Variants in GBF1 observed in about 807,000 individuals in gnomAD.
GBF1 encodes the protein golgi brefeldin A resistant guanine nucleotide exchange factor 1.
In GBF1, 114 loss-of-function variants were observed where a neutral mutation model predicts 210.5. That is an observed-to-expected ratio of 0.54 (90% CI 0.47 to 0.63). GBF1 has a LOEUF of 0.63. Among genes scored for constraint, GBF1 ranks in the 30% least tolerant of loss-of-function variants. GBF1 has a pLI of 0.00. For missense variants in GBF1, 1,851 were observed against 2,357.7 expected, an observed-to-expected ratio of 0.79 and a Z score of 4.45; for synonymous variants, 850 against 889.2, an observed-to-expected ratio of 0.96 and a Z score of 0.78.
chr10:102,244,238 GGTTA>G (rs1438972656), upstream of GBF1, among the ~76,000 whole-genome samples: 1 of 152,196 alleles, frequency 6.6e-6, no homozygotes, highest in Non-Finnish European at 1.5e-5. Context: ...TTTCCTATGT[GGTTA>G]GTTATAGAGC....
At chr10:102,233,474 T>C in the GBF1 span, among the ~76,000 whole-genome samples, 1 of 152,014 alleles carries the variant, frequency 6.6e-6, no homozygotes, top group Non-Finnish European at 1.5e-5. Flanking sequence ...TGGCTAATTT[T>C]TGTATTTTTA....
intron 3 of GBF1, among the ~76,000 whole-genome samples, chr10:102,308,067 G>A (rs1209478952): frequency 4.6e-5 from 7 of 152,066 alleles, no homozygotes; most frequent in Admixed American, 4.6e-4. Flanking sequence ...AGGGTAAATT[G>A]GAAAGCTGGC....
chr10:102,245,225 C>T (rs2070702797), upstream of GBF1, among the ~76,000 whole-genome samples: 2 of 152,146 alleles, frequency 1.3e-5, no homozygotes, highest in Non-Finnish European at 2.9e-5. Flanking sequence ...GCCCAGCAGC[C>T]ACTGCCAAAC....
intron 29 of GBF1, among the ~76,000 whole-genome samples, chr10:102,372,658 A>G (rs2060276410): frequency 6.6e-6 from 1 of 152,224 alleles, no homozygotes; most frequent in Non-Finnish European, 1.5e-5. Flanking sequence ...AAGATGTAAG[A>G]ACAATTCAGT....
At chr10:102,256,060 C>T (rs1182381193) in intron 1 of GBF1, among the ~76,000 whole-genome samples, 1 of 152,204 alleles carries the variant, frequency 6.6e-6, no homozygotes, top group Non-Finnish European at 1.5e-5. Context: ...ATCCTCCCAC[C>T]GCAGCCTCCC....
rs1345464665 is a variant in GBF1 at position 102,382,528 on chromosome 10, C to G, written c.*192C>G. On this transcript the variant is annotated 3_prime_UTR_variant, in exon 40 of 40. Transcript: ENST00000369983. ...CCCAATCAGCTGTGGGACCTTTTTC[C>G]TCCTCTGCGCTCCATTCCTGGGGGT... is the stretch of plus-strand genomic sequence containing the variant. 1.9e-5 allele frequency: 10 copies of G among 540,080 alleles called. No homozygotes were observed. In the South Asian group the frequency reaches 2.7e-4, roughly 15 times the overall value. 33.5% of individuals were successfully genotyped at this position (540,080 alleles called of 1,614,324 possible).
intron 29 of GBF1, among the ~76,000 whole-genome samples, chr10:102,374,351 A>C (rs1589821441): frequency 1.3e-5 from 2 of 151,840 alleles, no homozygotes; most frequent in African/African-American, 4.8e-5. Context: ...CCATCTCAAA[A>C]AAAAAAAGAA....
rs1172088368 is a variant in GBF1, at chr10:102,379,963, C to T, written c.4878+9C>T. 8 of 1,551,758 alleles carry T rather than the reference C, an allele frequency of 5.2e-6. No homozygotes were observed. The highest frequency in any genetic ancestry group is 1.1e-5 in the South Asian group (1 of 88,872). On this transcript the variant is annotated intron_variant, in intron 36 of 39. Transcript: ENST00000369983. ...CCACATTGCTCTCTAAGGTACTGCT[C>T]ACCACCCTATACCCACCCTCTCTCC...
intron 3 of GBF1, among the ~76,000 whole-genome samples, chr10:102,305,319 A>T (rs1312667692): frequency 6.6e-6 from 1 of 151,968 alleles, no homozygotes; most frequent in Admixed American, 6.6e-5. Flanking sequence ...TAGCTATAGA[A>T]ATTGGAGTCC....
chr10:102,361,330 A>G (rs938439384), intron 13 of GBF1: 3 of 572,098 alleles, frequency 5.2e-6, no homozygotes, highest in Non-Finnish European at 9.4e-6. Flanking sequence ...GACCCCAAAT[A>G]TGAGAACTGC....
chr10:102,357,974 AG>A (rs2059388679), intron 8 of GBF1, 64 bp from the exon 9 acceptor site: 1 of 1,084,816 alleles, frequency 9.2e-7, no homozygotes, highest in Non-Finnish European at 1.4e-6. Context: ...GACTAAATGA[AG>A]GGAGATTAAT....
intron 3 of GBF1, among the ~76,000 whole-genome samples, chr10:102,272,006 G>A (rs1281818191): frequency 6.6e-6 from 1 of 152,092 alleles, no homozygotes; most frequent in African/African-American, 2.4e-5. Flanking sequence ...ACCCACCTCA[G>A]CCTACCAAGG....
chr10:102,281,581 GTTATA>G (rs1565054461), intron 3 of GBF1, among the ~76,000 whole-genome samples: 3 of 148,876 alleles, frequency 2.0e-5, no homozygotes, highest in African/African-American at 7.3e-5. Flanking sequence ...TATATAAATT[GTTATA>G]TTATAACTTA....
chr10:102,233,304 C>CTTTTTT, the GBF1 span, among the ~76,000 whole-genome samples: 2 of 107,906 alleles, frequency 1.9e-5, no homozygotes, highest in Non-Finnish European at 3.5e-5. Context: ...TTTTTTCCTT[C>CTTTTTT]TTTTTTTTTT....
At chr10:102,349,739 G>A (rs961068063) in intron 4 of GBF1, among the ~76,000 whole-genome samples, 1 of 152,130 alleles carries the variant, frequency 6.6e-6, no homozygotes, top group Non-Finnish European at 1.5e-5. Flanking sequence ...CTTCAGAGCA[G>A]ACCTAGGGCA....
chr10:102,362,167 C>T (rs927070127), intron 14 of GBF1, among the ~76,000 whole-genome samples: 1 of 149,004 alleles, frequency 6.7e-6, no homozygotes, highest in Non-Finnish European at 1.5e-5. Context: ...CACCATTCTC[C>T]TGCCTCAGCC....
intron 29 of GBF1, among the ~76,000 whole-genome samples, chr10:102,372,088 C>T (rs778672567): frequency 2.0e-5 from 3 of 150,040 alleles, no homozygotes; most frequent in South Asian, 2.1e-4. Context: ...TGATGGTGAG[C>T]GCCTGATTGC....
At chr10:102,231,184 G>A in the GBF1 span, 1 of 1,323,500 alleles carries the variant, frequency 7.6e-7, no homozygotes, top group Admixed American at 2.8e-5. Flanking sequence ...GGGGCTTCCA[G>A]CCGGGGCCCT....
intron 3 of GBF1, among the ~76,000 whole-genome samples, chr10:102,263,993 G>A (rs968974906): frequency 1.3e-5 from 2 of 152,116 alleles, no homozygotes; most frequent in African/African-American, 4.8e-5. Context: ...TGGTTACCAG[G>A]GGCTGGGAGG....
Sources: gnomAD v4.1 joint callset for allele counts (sites outside exome capture counted in the v4.1 genomes callset) on GRCh38, gnomAD v4.1.1 for gene constraint, MANE v1.5 for transcripts, NCBI Gene and HGNC (gene_info 2026-07-23, HGNC 2026-07-21) for gene names.